EXPH5: variants seen among roughly 807,000 people sequenced by gnomAD.
The protein encoded by EXPH5 is exophilin 5.
EXPH5 carries 42 observed loss-of-function variants against 41.1 expected under a neutral mutation model. The observed-to-expected ratio is 1.02, with a 90% CI of 0.80 to 1.32. EXPH5 has a LOEUF of 1.32. Among genes scored for constraint, EXPH5 ranks in the 40% most tolerant of loss-of-function variants. The probability of loss-of-function intolerance (pLI) is 0.00; values close to 1 mark genes in which losing one functional copy is unlikely to be tolerated. For synonymous variants in EXPH5, 798 were observed against 833.5 expected (o/e 0.96, Z 0.73); for missense variants, 2,298 against 2,314.5 (o/e 0.99, Z 0.15).
chr11:108,601,006 C>G, the EXPH5 span, among the ~76,000 whole-genome samples: 15,700 of 152,164 alleles, frequency 0.1, 919 homozygotes, highest in East Asian at 0.28. Context: ...TGCAGCAGAG[C>G]CCATGGATCG....
rs2093643866 is a variant in EXPH5, at chr11:108,506,307, A to C, written c.*3230T>G. 2 of 152,212 alleles carry C rather than the reference A, an allele frequency of 1.3e-5. No homozygotes were observed. Among genetic ancestry groups the C allele is most frequent in the African/African-American group, 4.8e-5 (2 of 41,446 alleles). 9.4% of individuals were successfully genotyped at this position (152,212 alleles called of 1,614,324 possible). On this transcript the variant is annotated 3_prime_UTR_variant, in exon 6 of 6. Transcript: ENST00000265843. ...TTAACAAGTGCTTTATAAAAGTATAAAATTATAAAAGGTGCTATTTTCATG... is the reference window on the plus strand; with the variant it reads ...TTAACAAGTGCTTTATAAAAGTATACAATTATAAAAGGTGCTATTTTCATG...
intron 1 of EXPH5, among the ~76,000 whole-genome samples, chr11:108,564,717 G>T (rs536971311): frequency 6.6e-6 from 1 of 152,166 alleles, no homozygotes; most frequent in South Asian, 2.1e-4. Context: ...CTGGAAAAAG[G>T]TTGTATCAAA....
At position 108,539,194 on chromosome 11, in the gene EXPH5, A is replaced by G. The variant is rs1395342073; in HGVS notation, c.281-8T>C. 1 of 1,550,976 alleles carries G rather than the reference A, an allele frequency of 6.4e-7. No homozygotes were observed. The highest frequency in any genetic ancestry group is 2.0e-5 in the Admixed American group (1 of 48,956). On this transcript the variant is annotated splice_region_variant and splice_polypyrimidine_tract_variant and intron_variant, in intron 2 of 5. Transcript: ENST00000265843. ...TAGGTAATTCTATCGGATCTAGAAA[A>G]AAAAATTGTAAAAATTTTGCATCAA...
At chr11:108,519,539 G>T (rs2093750345) in intron 4 of EXPH5, among the ~76,000 whole-genome samples, 2 of 152,128 alleles carry the variant, frequency 1.3e-5, no homozygotes, top group African/African-American at 4.8e-5. Flanking sequence ...TTGAGGCCAG[G>T]AGTTCGAAAC....
At chr11:108,583,991 A>T (rs1348803024) in intron 1 of EXPH5, among the ~76,000 whole-genome samples, 1 of 152,238 alleles carries the variant, frequency 6.6e-6, no homozygotes, top group African/African-American at 2.4e-5. Flanking sequence ...AGGGTACAAG[A>T]TCAATATCAA....
chr11:108,564,903 C>CA (rs2094028158), intron 1 of EXPH5, among the ~76,000 whole-genome samples: 1 of 118,428 alleles, frequency 8.4e-6, no homozygotes, highest in East Asian at 2.8e-4. Flanking sequence ...ATATGTGTAG[C>CA]TTTTTTTTTT....
At chr11:108,547,495 A>G (rs2093943828) in intron 1 of EXPH5, among the ~76,000 whole-genome samples, 1 of 152,178 alleles carries the variant, frequency 6.6e-6, no homozygotes, top group African/African-American at 2.4e-5. Flanking sequence ...GATTACAGGC[A>G]TGAACCACGG....
At position 108,556,231 on chromosome 11, in the gene EXPH5, C is replaced by T. The variant is rs951315669; in HGVS notation, c.120-14419G>A. Reference sequence around the variant, plus strand: ...CTTGTAAGGGTTAAAGCAGGGGAACCTTCCTTATCATGCGGGTGTTGCCTG... The same window carrying T: ...CTTGTAAGGGTTAAAGCAGGGGAACTTTCCTTATCATGCGGGTGTTGCCTG... On this transcript the variant is annotated intron_variant, in intron 1 of 5. Coordinates refer to ENST00000265843, the MANE Select transcript of EXPH5 (RefSeq NM_015065.3). Among the ~76,000 whole-genome samples the T allele has an allele frequency of 8.6e-5, 13 of 151,132 alleles. No homozygotes were observed. In the East Asian group the frequency reaches 2.5e-3, roughly 29 times the overall value.
chr11:108,510,577 GGAA>G lies in EXPH5; in HGVS notation c.4927_4929del (p.Phe1643del). On this transcript the variant is annotated inframe_deletion, in exon 6 of 6. Coordinates refer to ENST00000265843, the MANE Select transcript of EXPH5 (RefSeq NM_015065.3). ...TCTGCAGATTTTGGAGTAGGCTCAG[GGAA>G]CAGTGGGTTGCACTCCACTGTGCCA... The G allele has an allele frequency of 1.9e-6, 3 of 1,614,056 alleles. No individual in the cohort carries two copies. Among genetic ancestry groups the G allele is most frequent in the Non-Finnish European group, 2.5e-6 (3 of 1,180,002 alleles).
chr11:108,596,631 G>A (rs931808554), upstream of EXPH5, among the ~76,000 whole-genome samples: 11 of 152,160 alleles, frequency 7.2e-5, no homozygotes, highest in African/African-American at 2.7e-4. Flanking sequence ...CTGGGAAGTT[G>A]TCTGCTTAAA....
chr11:108,606,046 A>G, the EXPH5 span, among the ~76,000 whole-genome samples: 6 of 152,324 alleles, frequency 3.9e-5, no homozygotes, highest in East Asian at 1.2e-3. Context: ...TTTTAAAAAT[A>G]GAGACAGGTT....
intron 1 of EXPH5, among the ~76,000 whole-genome samples, chr11:108,583,108 C>T (rs959439884): frequency 1.3e-5 from 2 of 152,008 alleles, no homozygotes; most frequent in African/African-American, 2.4e-5. Flanking sequence ...TATCGCCAGG[C>T]GCAGTGGCTC....
intron 1 of EXPH5, among the ~76,000 whole-genome samples, chr11:108,575,777 C>G (rs989974476): frequency 1.3e-5 from 2 of 152,116 alleles, no homozygotes; most frequent in African/African-American, 4.8e-5. Flanking sequence ...AGTTCAAGAA[C>G]AGCCTGACCA....
intron 1 of EXPH5, among the ~76,000 whole-genome samples, chr11:108,553,120 A>G (rs1357695888): frequency 6.6e-6 from 1 of 151,640 alleles, no homozygotes; most frequent in Non-Finnish European, 1.5e-5. Flanking sequence ...AATCGCTTGA[A>G]CTGGGGAGGC....
rs140586147 is a variant in EXPH5 at position 108,570,866 on chromosome 11, A to G, written c.119+22552T>C. Among the ~76,000 whole-genome samples, 4 of 152,368 alleles carry G rather than the reference A, an allele frequency of 2.6e-5. No individual in the cohort carries two copies. The East Asian group carries it at 7.7e-4, about 29-fold the overall frequency. On this transcript the variant is annotated intron_variant, in intron 1 of 5. Transcript: ENST00000265843. The stretch of plus-strand genomic sequence containing the variant: ...GTATTATCACTTTAATAATAAAACT[A>G]TCATTGTTTTGGAGAACTGTTTGGA...
chr11:108,543,578 C>G (rs186716819), intron 1 of EXPH5, among the ~76,000 whole-genome samples: 5 of 152,058 alleles, frequency 3.3e-5, no homozygotes, highest in Non-Finnish European at 7.4e-5. Context: ...CAGGGTCTGT[C>G]GTAAAGCACA....
At chr11:108,524,460 G>C (rs1168979005) in intron 4 of EXPH5, among the ~76,000 whole-genome samples, 1 of 152,164 alleles carries the variant, frequency 6.6e-6, no homozygotes, top group Non-Finnish European at 1.5e-5. Context: ...AAATGAGGTA[G>C]AAAAGTATCC....
chr11:108,593,782 A>G, upstream of EXPH5: 3 of 1,533,856 alleles, frequency 2.0e-6, no homozygotes, highest in Non-Finnish European at 2.6e-6. Context: ...GGCTAAAGGG[A>G]GAGAGGGAAC....
chr11:108,603,768 A>G, the EXPH5 span, among the ~76,000 whole-genome samples: 3 of 152,178 alleles, frequency 2.0e-5, no homozygotes, highest in African/African-American at 7.2e-5. Flanking sequence ...TTTGCTCCAC[A>G]TGACTGAATG....
Sources: gnomAD v4.1 joint callset for allele counts (sites outside exome capture counted in the v4.1 genomes callset) on GRCh38, gnomAD v4.1.1 for gene constraint, MANE v1.5 for transcripts, NCBI Gene and HGNC (gene_info 2026-07-23, HGNC 2026-07-21) for gene names.